Variants in IL3RA observed in about 807,000 individuals in gnomAD.
IL3RA encodes interleukin-3 receptor subunit alpha.
In IL3RA, 73 loss-of-function variants were observed where a neutral mutation model predicts 52.3. That is an observed-to-expected ratio of 1.40 (90% CI 1.16 to 1.70). IL3RA has a LOEUF of 1.70. Among genes scored for constraint, IL3RA ranks in the 40% most tolerant of loss-of-function variants. IL3RA has a pLI of 0.00. For synonymous variants in IL3RA, 260 were observed against 194.0 expected (o/e 1.34, Z -2.83); for missense variants, 664 against 504.4 (o/e 1.32, Z -3.03).
chrX:1,368,484 G>A lies in IL3RA; in HGVS notation c.874+3232G>A, dbSNP rs754071719. Among the ~76,000 whole-genome samples, 140 of 152,296 alleles carry A rather than the reference G, an allele frequency of 9.2e-4. 1 individual carries two copies. The highest frequency in any genetic ancestry group is 1.8e-3 in the Non-Finnish European group (124 of 68,034). ...GCCTGTAACCTCAGCTACCAGGGAG[G>A]CTGAGGCAGGAGAATCGCTTGAATT... On this transcript the variant is annotated intron_variant, in intron 9 of 11. Coordinates refer to ENST00000331035, the MANE Select transcript of IL3RA (RefSeq NM_002183.4).
intron 8 of IL3RA, among the ~76,000 whole-genome samples, chrX:1,364,762 A>C (rs1243804298): frequency 6.6e-6 from 1 of 151,292 alleles, no homozygotes; most frequent in Admixed American, 6.6e-5. Flanking sequence ...AGAGGCATAA[A>C]CCGTAGCACC....
chrX:1,364,922 C>G (rs1242042166), intron 8 of IL3RA, among the ~76,000 whole-genome samples: 1 of 151,984 alleles, frequency 6.6e-6, no homozygotes, highest in East Asian at 1.9e-4. Flanking sequence ...TATTCTCCTG[C>G]CTCAGCCTCC....
chrX:1,378,624 C>A (rs1314650476), intron 9 of IL3RA, 35 bp from the exon 10 acceptor site: 2 of 1,578,754 alleles, frequency 1.3e-6, no homozygotes, highest in Non-Finnish European at 1.7e-6. Context: ...CCAGGACGGC[C>A]CCCGGTCTGT....
chrX:1,347,082 G>A (rs1443471389), intron 3 of IL3RA, among the ~76,000 whole-genome samples: 16 of 151,272 alleles, frequency 1.1e-4, no homozygotes, highest in Non-Finnish European at 2.1e-4. Context: ...GAAGGTGAAT[G>A]AAGGAGAACC....
chrX:1,351,100 G>C (rs1285897836), intron 4 of IL3RA, among the ~76,000 whole-genome samples: 1 of 148,932 alleles, frequency 6.7e-6, no homozygotes, highest in Non-Finnish European at 1.5e-5. Context: ...CCAGATACTT[G>C]GGAGGCTGAG....
At chrX:1,338,118 ACC>A (rs1281975721) in intron 1 of IL3RA, among the ~76,000 whole-genome samples, 1 of 147,532 alleles carries the variant, frequency 6.8e-6, no homozygotes, top group Non-Finnish European at 1.5e-5. Context: ...CAGCCCTCAT[ACC>A]CCCATCTATA....
At position 1,360,266 on chromosome X, in the gene IL3RA, T is replaced by TTTA. The variant is rs2087129465; in HGVS notation, c.759+1380_759+1381insTAT. On this transcript the variant is annotated intron_variant, in intron 8 of 11. Coordinates refer to ENST00000331035, the MANE Select transcript of IL3RA (RefSeq NM_002183.4). ...TCTCTCTCCCTTTCTCCCTCCATCT[T>TTTA]TCTCTCTCTCTCCTGGTCTCTATCT... 9.2e-5 allele frequency among the ~76,000 whole-genome samples: 2 copies of TTTA among 21,774 alleles called. 1 individual carries two copies. Among genetic ancestry groups the TTTA allele is most frequent in the African/African-American group, 5.4e-4 (2 of 3,692 alleles). The allele number at this position is 21,774 out of a possible 152,430, so 14.3% of individuals were successfully genotyped here.
chrX:1,356,632 C>T (rs767253717), intron 7 of IL3RA, among the ~76,000 whole-genome samples: 3 of 152,062 alleles, frequency 2.0e-5, no homozygotes, highest in East Asian at 3.9e-4. Context: ...ATTAGCTGGG[C>T]GTGGTGGCAC....
intron 6 of IL3RA, among the ~76,000 whole-genome samples, chrX:1,352,730 G>GGAGA (rs1458372762): frequency 1.3e-5 from 2 of 151,900 alleles, no homozygotes; most frequent in Non-Finnish European, 2.9e-5. Flanking sequence ...TTCACGTGGT[G>GGAGA]TAGAGAGAGA....
intron 2 of IL3RA, among the ~76,000 whole-genome samples, chrX:1,342,249 T>C (rs1266083300): frequency 1.3e-5 from 2 of 151,910 alleles, no homozygotes; most frequent in African/African-American, 2.4e-5. Context: ...CACTGCAACC[T>C]CTGCCTCCCG....
intron 9 of IL3RA, among the ~76,000 whole-genome samples, chrX:1,378,230 C>A (rs184164088): frequency 4.4e-4 from 67 of 151,432 alleles, no homozygotes; most frequent in Admixed American, 2.3e-3. Flanking sequence ...AACACACACA[C>A]ACAAATTCCA....
At position 1,356,771 on chromosome X, in the gene IL3RA, C is replaced by CAA. The variant is rs749215619; in HGVS notation, c.732+449_732+450dup. Among the ~76,000 whole-genome samples the CAA allele has an allele frequency of 8.3e-3, 1,016 of 122,262 alleles. 14 individuals carry two copies. The highest frequency in any genetic ancestry group is 0.029 in the African/African-American group (945 of 32,590). 80.2% of individuals were successfully genotyped at this position (122,262 alleles called of 152,430 possible). On this transcript the variant is annotated intron_variant, in intron 7 of 11. Transcript: ENST00000331035. ...TGGGCGACAGAGCGAGACTCCGTCT[C>CAA]AAAAAAAAAAAAAAAGTTTGAGACT...
chrX:1,366,452 C>G (rs868291681), intron 9 of IL3RA, among the ~76,000 whole-genome samples: 1,117 of 3,962 alleles, frequency 0.28, 5 homozygotes, highest in Admixed American at 0.34. Context: ...CGGGGTGAGC[C>G]GGGTGCGCGG....
At chrX:1,358,615 C>G (rs2086917193) in intron 7 of IL3RA, among the ~76,000 whole-genome samples, 1 of 152,134 alleles carries the variant, frequency 6.6e-6, no homozygotes, top group African/African-American at 2.4e-5. Context: ...GCCGAGATCA[C>G]GCCACTGCAT....
intron 9 of IL3RA, among the ~76,000 whole-genome samples, chrX:1,377,957 G>A (rs1250582548): frequency 2.7e-5 from 4 of 150,764 alleles, no homozygotes; most frequent in African/African-American, 7.3e-5. Context: ...AGGCCGAGGC[G>A]GGTGGATCAC....
chrX:1,368,308 G>C (rs2088333953), intron 9 of IL3RA, among the ~76,000 whole-genome samples: 1 of 152,038 alleles, frequency 6.6e-6, no homozygotes, highest in Non-Finnish European at 1.5e-5. Context: ...CTTCTGGCCG[G>C]GCACGGTGAC....
intron 7 of IL3RA, among the ~76,000 whole-genome samples, chrX:1,357,076 C>G (rs1253375972): frequency 6.6e-6 from 1 of 151,808 alleles, no homozygotes; most frequent in Non-Finnish European, 1.5e-5. Context: ...CCTCAGCCTC[C>G]CGAGTAGCTG....
intron 8 of IL3RA, among the ~76,000 whole-genome samples, chrX:1,361,689 G>C (rs192469448): frequency 8.8e-4 from 132 of 149,946 alleles, no homozygotes; most frequent in Middle Eastern, 3.4e-3. Flanking sequence ...GGAGGCAGAG[G>C]TTGCAGTGAG....
intron 9 of IL3RA, among the ~76,000 whole-genome samples, chrX:1,376,798 G>A (rs1325209623): frequency 5.3e-5 from 3 of 56,736 alleles, no homozygotes; most frequent in Non-Finnish European, 9.1e-5. Context: ...ACAGCAGCCT[G>A]AAACGGACTA....
Sources: gnomAD v4.1 joint callset for allele counts (sites outside exome capture counted in the v4.1 genomes callset) on GRCh38, gnomAD v4.1.1 for gene constraint, MANE v1.5 for transcripts, NCBI Gene and HGNC (gene_info 2026-07-23, HGNC 2026-07-21) for gene names.